Variants in VPS45 observed in about 807,000 individuals in gnomAD.
VPS45 encodes vacuolar protein sorting 45 homolog.
A neutral mutation model predicts 75.9 loss-of-function variants in VPS45; 35 were observed. The ratio of observed to expected loss-of-function variants is 0.46; its 90% CI spans 0.35 to 0.61. The LOEUF (loss-of-function observed/expected upper bound fraction) is 0.61. VPS45 is among the 20% of genes least tolerant of loss of function. The probability of loss-of-function intolerance (pLI) is 0.00; values close to 1 mark genes in which losing one functional copy is unlikely to be tolerated. For synonymous variants in VPS45, 220 were observed against 238.2 expected (o/e 0.92, Z 0.70); for missense variants, 559 against 685.9 (o/e 0.81, Z 2.07).
chr1:150,143,672 C>T (rs1271782961), intron 14 of VPS45, among the ~76,000 whole-genome samples: 2 of 152,000 alleles, frequency 1.3e-5, no homozygotes, highest in Non-Finnish European at 2.9e-5. Context: ...TAGGAAAGCT[C>T]ATGACGTGTT....
At position 150,081,915 on chromosome 1, in the gene VPS45, G is replaced by C. The variant is rs1273790997; in HGVS notation, c.854G>C (p.Ser285Thr). ...NMYLNFAEIG[S>T]NIKNLMEDFQ... ...TACCTGAACTTTGCTGAGATTGGTA[G>C]CAATATAAAGAATCTCATGGAAGAT... The change falls in exon 9 of 15, where the codon AGC (serine) becomes ACC (threonine). Residue 285 changes from serine to threonine, a missense_variant. Coordinates refer to ENST00000644510, the MANE Select transcript of VPS45 (RefSeq NM_007259.5). The C allele has an allele frequency of 2.5e-6, 4 of 1,612,862 alleles. No individual in the cohort carries two copies. Among genetic ancestry groups the C allele is most frequent in the Non-Finnish European group, 3.4e-6 (4 of 1,179,444 alleles).
intron 14 of VPS45, among the ~76,000 whole-genome samples, chr1:150,142,683 G>A (rs944394733): frequency 6.6e-6 from 1 of 152,160 alleles, no homozygotes; most frequent in Non-Finnish European, 1.5e-5. Flanking sequence ...TGTTGTTGTT[G>A]AGACAGGGTT....
chr1:150,091,649 A>G (rs1262561478), intron 10 of VPS45, among the ~76,000 whole-genome samples: 4 of 152,370 alleles, frequency 2.6e-5, no homozygotes, highest in African/African-American at 4.8e-5. Flanking sequence ...GTGTTCTTTC[A>G]GCAAGGAAAT....
chr1:150,078,021 T>G (rs1312272510), intron 7 of VPS45, among the ~76,000 whole-genome samples: 2 of 152,196 alleles, frequency 1.3e-5, no homozygotes, highest in Non-Finnish European at 2.9e-5. Context: ...CAAGACAGCT[T>G]CTTAATTCTG....
intron 14 of VPS45, among the ~76,000 whole-genome samples, chr1:150,136,485 G>A (rs1553813748): frequency 6.6e-6 from 1 of 151,996 alleles, no homozygotes; most frequent in Admixed American, 6.6e-5. Context: ...AACTCAGGAG[G>A]TGGAGGTTGC....
intron 14 of VPS45, 101 bp from the exon 15 acceptor site, chr1:150,144,608 T>G: frequency 9.8e-7 from 1 of 1,015,888 alleles, no homozygotes; most frequent in Non-Finnish European, 1.4e-6. Context: ...CTGCCTACTA[T>G]TCATGATATA....
At chr1:150,117,679 C>T (rs1041531619) in intron 14 of VPS45, among the ~76,000 whole-genome samples, 5 of 150,648 alleles carry the variant, frequency 3.3e-5, no homozygotes, top group East Asian at 4.0e-4. Context: ...CGCAATGTGG[C>T]GAAACTCCAT....
chr1:150,083,676 T>C (rs587763215), intron 10 of VPS45, among the ~76,000 whole-genome samples: 10 of 148,300 alleles, frequency 6.7e-5, no homozygotes, highest in Non-Finnish European at 1.2e-4. Flanking sequence ...ATATTTTCTA[T>C]ATATATATAA....
intron 13 of VPS45, 191 bp from the exon 14 acceptor site, chr1:150,110,305 T>G: frequency 1.9e-6 from 1 of 514,984 alleles, no homozygotes; most frequent in South Asian, 3.3e-5. Flanking sequence ...AAATCACTAT[T>G]CAGCATTTCC....
At position 150,081,365 on chromosome 1, in the gene VPS45, C is replaced by T. The variant is rs782676481; in HGVS notation, c.711C>T (p.His237=). 7 of 1,606,062 alleles carry T rather than the reference C, an allele frequency of 4.4e-6. No homozygotes were observed. Among genetic ancestry groups the T allele is most frequent in the East Asian group, 2.3e-5 (1 of 44,174 alleles). Residue 237 remains histidine (H), a synonymous_variant, in exon 8 of 15, where the codon CAC becomes CAT. Coordinates refer to ENST00000644510, the MANE Select transcript of VPS45 (RefSeq NM_007259.5). The stretch of plus-strand genomic sequence containing the variant: ...AGTGGACATATCAGGCCATGGTCCA[C>T]GAACTACTAGGCATAAACAACAATC... ...LNQWTYQAMV[H]ELLGINNNRI... is the part of the protein sequence containing the mutation.
chr1:150,088,980 C>T (rs1182518392), intron 10 of VPS45, among the ~76,000 whole-genome samples: 1 of 152,124 alleles, frequency 6.6e-6, no homozygotes, highest in African/African-American at 2.4e-5. Context: ...TTTAAGGAAT[C>T]TTCATACTAT....
intron 10 of VPS45, among the ~76,000 whole-genome samples, chr1:150,087,203 C>T (rs587688593): frequency 6.6e-6 from 1 of 152,298 alleles, no homozygotes; most frequent in Non-Finnish European, 1.5e-5. Context: ...AATGTTAGTT[C>T]CTTTAGGAAA....
At position 150,105,418 on chromosome 1, in the gene VPS45, A is replaced by G. The variant is rs78785539; in HGVS notation, c.1494-5078A>G. Among the ~76,000 whole-genome samples, 91 of 152,352 alleles carry G rather than the reference A, an allele frequency of 6.0e-4. 2 individuals are homozygous for G. In the East Asian group the frequency reaches 0.017, roughly 28 times the overall value. On this transcript the variant is annotated intron_variant, in intron 13 of 14. Transcript: ENST00000644510. ...CCTAGACTTGATAAGTGATTTCATT[A>G]AAGTCTCAGGATACAAAATCAACAT...
At chr1:150,101,798 A>G (rs1553804436) in intron 13 of VPS45, among the ~76,000 whole-genome samples, 2 of 152,126 alleles carry the variant, frequency 1.3e-5, no homozygotes, top group African/African-American at 4.8e-5. Flanking sequence ...GAACACTTGT[A>G]TGCTGTTGGT....
chr1:150,136,761 G>A (rs1427748125), intron 14 of VPS45, among the ~76,000 whole-genome samples: 2 of 128,684 alleles, frequency 1.6e-5, no homozygotes, highest in Non-Finnish European at 3.3e-5. Context: ...TTAAGGACAG[G>A]AGCAAGATTT....
intron 13 of VPS45, among the ~76,000 whole-genome samples, chr1:150,097,090 C>CT (rs71743388): frequency 0.77 from 106,122 of 138,290 alleles, 41,752 homozygotes; most frequent in East Asian, 0.99. Flanking sequence ...ACATTTCTTT[C>CT]TTTTTTTTTT....
intron 14 of VPS45, among the ~76,000 whole-genome samples, chr1:150,140,168 T>G: frequency 6.6e-6 from 1 of 152,216 alleles, no homozygotes; most frequent in East Asian, 1.9e-4. Flanking sequence ...CCTCCCAAAG[T>G]GCTGGGATTA....
At chr1:150,075,085 G>A (rs1553797786) in intron 3 of VPS45, among the ~76,000 whole-genome samples, 1 of 123,586 alleles carries the variant, frequency 8.1e-6, no homozygotes, top group Non-Finnish European at 1.6e-5. Flanking sequence ...GGCTGGTCTT[G>A]AACTCTTAGT....
At chr1:150,074,662 A>G (rs1438184775) in intron 3 of VPS45, among the ~76,000 whole-genome samples, 2 of 152,222 alleles carry the variant, frequency 1.3e-5, no homozygotes, top group Non-Finnish European at 2.9e-5. Flanking sequence ...TGATGGGATT[A>G]CAGGTGTGAG....
Sources: allele counts gnomAD v4.1 joint callset (sites outside exome capture counted in the v4.1 genomes callset), GRCh38; gene constraint gnomAD v4.1.1; transcripts MANE v1.5; gene names NCBI Gene and HGNC (gene_info 2026-07-23, HGNC 2026-07-21).